Variants in LRRTM4 observed in about 807,000 individuals in gnomAD.
The protein encoded by LRRTM4 is leucine-rich repeat transmembrane neuronal protein 4.
In LRRTM4, 25 loss-of-function variants were observed where a neutral mutation model predicts 47.6. The observed-to-expected ratio is 0.53, with a 90% confidence interval of 0.38 to 0.73. The LOEUF is 0.73. LRRTM4 is among the 30% of genes least tolerant of loss of function. LRRTM4 has a pLI of 0.00. For missense variants in LRRTM4, 638 were observed against 713.4 expected (o/e 0.89, Z 1.20); for synonymous variants, 311 against 269.5 (o/e 1.15, Z -1.51).
At chr2:77,158,466 C>G (rs1410217079) in intron 3 of LRRTM4, among the ~76,000 whole-genome samples, 1 of 152,010 alleles carries the variant, frequency 6.6e-6, no homozygotes. Flanking sequence ...ATTTCAAATC[C>G]TGTTTTGTAT....
chr2:76,942,046 C>T (rs17335396), intron 3 of LRRTM4, among the ~76,000 whole-genome samples: 2 of 152,158 alleles, frequency 1.3e-5, no homozygotes, highest in African/African-American at 4.8e-5. Flanking sequence ...TTTTGATTTG[C>T]ATTTCTCTAA....
At chr2:77,473,667 T>G (rs1404477677) in intron 3 of LRRTM4, among the ~76,000 whole-genome samples, 1 of 152,160 alleles carries the variant, frequency 6.6e-6, no homozygotes, top group Non-Finnish European at 1.5e-5. Context: ...GACTTAATTG[T>G]TTCTTTGGGG....
intron 3 of LRRTM4, among the ~76,000 whole-genome samples, chr2:76,818,450 T>TA (rs1670962304): frequency 6.6e-6 from 1 of 151,822 alleles, no homozygotes; most frequent in African/African-American, 2.4e-5. Flanking sequence ...ATGTCTCAAC[T>TA]AAAATGGTCT....
chr2:77,117,720 TAC>T (rs1316823595), intron 3 of LRRTM4, among the ~76,000 whole-genome samples: 1 of 151,980 alleles, frequency 6.6e-6, no homozygotes, highest in African/African-American at 2.4e-5. Context: ...ACAAATTGTA[TAC>T]ACACAAATAT....
intron 3 of LRRTM4, among the ~76,000 whole-genome samples, chr2:76,920,379 T>C (rs547250611): frequency 6.6e-6 from 1 of 152,282 alleles, no homozygotes; most frequent in Admixed American, 6.5e-5. Flanking sequence ...AATTTTAGAT[T>C]ATTAGATAAC....
intron 3 of LRRTM4, among the ~76,000 whole-genome samples, chr2:76,945,806 C>T (rs1675305139): frequency 6.6e-6 from 1 of 151,544 alleles, no homozygotes; most frequent in Admixed American, 6.6e-5. Flanking sequence ...AACATCATTA[C>T]AGAAAAGTAG....
chr2:76,755,317 A>T (rs570917693), intron 3 of LRRTM4, among the ~76,000 whole-genome samples: 4 of 152,104 alleles, frequency 2.6e-5, no homozygotes, highest in Non-Finnish European at 4.4e-5. Flanking sequence ...TGACTAGAAA[A>T]CTTATTTTAC....
At chr2:77,258,917 AATAAG>A (rs1463969512) in intron 3 of LRRTM4, among the ~76,000 whole-genome samples, 2 of 152,022 alleles carry the variant, frequency 1.3e-5, no homozygotes, top group East Asian at 1.9e-4. Context: ...CAAAAACAAA[AATAAG>A]ATAATTGCAA....
rs540449776 is a variant in LRRTM4 at position 77,051,045 on chromosome 2, A to G, written c.1552-302129T>C. On this transcript the variant is annotated intron_variant, in intron 3 of 3. Coordinates refer to ENST00000409884, the MANE Select transcript of LRRTM4 (RefSeq NM_001134745.3). The stretch of plus-strand genomic sequence containing the variant: ...TTTTTTTTTAAAATAGATAACACTA[A>G]GCCTTAGAGCAACGGTTCTTCATTC... 7.9e-5 allele frequency among the ~76,000 whole-genome samples: 12 copies of G among 152,010 alleles called. No individual in the cohort carries two copies. In the East Asian group the frequency reaches 2.3e-3, roughly 29 times the overall value.
At chr2:77,193,698 T>C (rs1352485439) in intron 3 of LRRTM4, among the ~76,000 whole-genome samples, 2 of 152,132 alleles carry the variant, frequency 1.3e-5, no homozygotes, top group Non-Finnish European at 2.9e-5. Context: ...TAATCTCAGT[T>C]ACTCAGGCAA....
At chr2:77,077,528 T>C (rs1379444535) in intron 3 of LRRTM4, among the ~76,000 whole-genome samples, 1 of 152,168 alleles carries the variant, frequency 6.6e-6, no homozygotes, top group Non-Finnish European at 1.5e-5. Context: ...GAACTGCCTG[T>C]AGAGCATGGT....
chr2:77,446,445 T>C (rs1008437230), intron 3 of LRRTM4, among the ~76,000 whole-genome samples: 26 of 152,142 alleles, frequency 1.7e-4, no homozygotes, highest in African/African-American at 6.3e-4. Flanking sequence ...AAAGATATAA[T>C]ATTGGGTCAT....
intron 3 of LRRTM4, among the ~76,000 whole-genome samples, chr2:76,894,711 C>G (rs914523000): frequency 6.6e-6 from 1 of 151,838 alleles, no homozygotes; most frequent in Non-Finnish European, 1.5e-5. Flanking sequence ...TGTGACCTGG[C>G]TATTCAACCC....
At chr2:77,480,529 T>C (rs1053043659) in intron 3 of LRRTM4, among the ~76,000 whole-genome samples, 1 of 152,160 alleles carries the variant, frequency 6.6e-6, no homozygotes, top group Non-Finnish European at 1.5e-5. Flanking sequence ...CAACTCGGCA[T>C]TGTGAAGGCA....
chr2:76,963,541 A>G (rs1675930942), intron 3 of LRRTM4, among the ~76,000 whole-genome samples: 1 of 151,066 alleles, frequency 6.6e-6, no homozygotes, highest in African/African-American at 2.4e-5. Context: ...TCAAATTAAT[A>G]AACAATGAAA....
intron 3 of LRRTM4, among the ~76,000 whole-genome samples, chr2:77,245,623 C>CTT (rs397731625): frequency 0.53 from 79,160 of 148,766 alleles, 21,252 homozygotes; most frequent in Admixed American, 0.57. Flanking sequence ...ACTTTAAACA[C>CTT]TTTTTTTTTG....
chr2:77,077,817 C>T (rs1462447328), intron 3 of LRRTM4, among the ~76,000 whole-genome samples: 1 of 151,984 alleles, frequency 6.6e-6, no homozygotes, highest in Non-Finnish European at 1.5e-5. Context: ...ATAAGTTGAC[C>T]CATATTGAAG....
chr2:77,194,050 T>A (rs775350070), intron 3 of LRRTM4, among the ~76,000 whole-genome samples: 1 of 152,166 alleles, frequency 6.6e-6, no homozygotes, highest in Non-Finnish European at 1.5e-5. Flanking sequence ...GTTATAGTCA[T>A]CTTTTGCTTT....
chr2:77,491,033 G>C (rs1678133739), intron 3 of LRRTM4, among the ~76,000 whole-genome samples: 1 of 151,874 alleles, frequency 6.6e-6, no homozygotes, highest in African/African-American at 2.4e-5. Context: ...GAGAATGTAA[G>C]TTGCCATAAT....
Sources: allele counts gnomAD v4.1 joint callset (sites outside exome capture counted in the v4.1 genomes callset), GRCh38; gene constraint gnomAD v4.1.1; transcripts MANE v1.5; gene names NCBI Gene and HGNC (gene_info 2026-07-23, HGNC 2026-07-21).